EVC: variants seen among roughly 807,000 people sequenced by gnomAD.
EVC encodes evC complex member EVC.
In EVC, 116 loss-of-function variants were observed where a neutral mutation model predicts 118.9. The observed-to-expected ratio is 0.98, with a 90% CI of 0.84 to 1.14. EVC has a LOEUF of 1.14. Ranked by LOEUF, EVC falls within the 50% of genes most tolerant of loss-of-function variation. The probability of loss-of-function intolerance (pLI) is 0.00; values close to 1 mark genes in which losing one functional copy is unlikely to be tolerated. For missense variants in EVC, 1,401 were observed against 1,246.4 expected, an observed-to-expected ratio of 1.12 and a Z score of -1.87; for synonymous variants, 619 against 534.7, an observed-to-expected ratio of 1.16 and a Z score of -2.18.
intron 11 of EVC, among the ~76,000 whole-genome samples, chr4:5,769,496 A>G (rs184817660): frequency 5.3e-5 from 8 of 152,264 alleles, no homozygotes; most frequent in Admixed American, 1.3e-4. Context: ...CTCGGCCTCT[A>G]AACAGTCCAT....
chr4:5,741,345 T>C (rs538098856), intron 5 of EVC, among the ~76,000 whole-genome samples: 1 of 152,336 alleles, frequency 6.6e-6, no homozygotes, highest in Admixed American at 6.5e-5. Flanking sequence ...TCCATACAAC[T>C]ATCCCGCTGA....
rs1712343915 is a variant in EVC, at chr4:5,789,448, C to T, written c.1777-4160C>T. ...CCATGCTGTTTAAAACTGCAATGCC[C>T]CCCTCACCCCCAGCACTCCAGTGTT... On this transcript the variant is annotated intron_variant, in intron 12 of 20. Transcript: ENST00000264956. This position sits in a 1 kb window ranked among gnomAD's most constrained non-coding sequence, Gnocchi z 4.3. Among the ~76,000 whole-genome samples, 9 of 152,266 alleles carry T rather than the reference C, an allele frequency of 5.9e-5. No individual in the cohort carries two copies. The South Asian group carries it at 1.9e-3, about 32-fold the overall frequency.
At position 5,756,666 on chromosome 4, in the gene EVC, C is replaced by T. The variant is rs1252666318; in HGVS notation, c.1563+304C>T. Among the ~76,000 whole-genome samples the T allele has an allele frequency of 6.6e-6, 1 of 152,192 alleles. No homozygotes were observed. The highest frequency in any genetic ancestry group is 1.5e-5 in the Non-Finnish European group (1 of 68,048). On this transcript the variant is annotated intron_variant, in intron 11 of 20. Transcript: ENST00000264956. The surrounding 1 kb of genome is among the most constrained non-coding windows in gnomAD (Gnocchi z 4.2). Reference sequence around the variant, plus strand: ...CCGTTCTCCCCAGGTGAGAAATAGGCCCAGGGTTTCTGGGTGTCATCAGTG... The same window carrying T: ...CCGTTCTCCCCAGGTGAGAAATAGGTCCAGGGTTTCTGGGTGTCATCAGTG...
At chr4:5,740,520 G>A (rs889704384) in intron 5 of EVC, among the ~76,000 whole-genome samples, 2 of 151,322 alleles carry the variant, frequency 1.3e-5, no homozygotes, top group African/African-American at 4.9e-5. Flanking sequence ...AATTCTCCAG[G>A]ATTTAGACCT....
intron 11 of EVC, among the ~76,000 whole-genome samples, chr4:5,764,908 T>A (rs2152141352): frequency 7.2e-6 from 1 of 139,486 alleles, no homozygotes; most frequent in East Asian, 2.1e-4. Context: ...TTCCTTCAGT[T>A]CTGCTCTGAT....
Position 5,745,208 on chromosome 4 carries a change from T to A in EVC, c.806T>A (p.Leu269Ter), listed in dbSNP as rs1255567860. 6.2e-7 allele frequency: 1 copy of A among 1,613,880 alleles called. No homozygotes were observed. Among genetic ancestry groups the A allele is most frequent in the South Asian group, 1.1e-5 (1 of 91,028 alleles). The change falls in exon 7 of 21, where the codon TTG becomes TAG. Residue 269 changes from leucine (L) to a stop codon, truncating the protein, a stop_gained. Transcript: ENST00000264956. LOFTEE classifies it high-confidence loss of function. ...QKILSKQEKD[L>*]EELEKGLQVK... ...TTTTTTCTTCTTCTTCTTCAGGATT[T>A]GGAGGAACTAGAAAAGGGACTTCAG...
chr4:5,779,931 G>T, intron 11 of EVC, among the ~76,000 whole-genome samples: 1 of 150,728 alleles, frequency 6.6e-6, no homozygotes, highest in South Asian at 2.1e-4. Context: ...GTTTTCAAAG[G>T]GAATGCTTCC....
chr4:5,770,966 C>T (rs759313469), intron 11 of EVC, among the ~76,000 whole-genome samples: 4 of 151,478 alleles, frequency 2.6e-5, no homozygotes, highest in Admixed American at 6.6e-5. Flanking sequence ...GAGACGAGAT[C>T]GCACCATTGC....
intron 11 of EVC, among the ~76,000 whole-genome samples, chr4:5,757,055 G>A (rs185792854): frequency 1.2e-4 from 18 of 152,312 alleles, no homozygotes; most frequent in Admixed American, 2.0e-4. Context: ...TCCTCACTGC[G>A]TGACCACAGG....
At chr4:5,739,899 C>CAAAA (rs11343689) in intron 5 of EVC, among the ~76,000 whole-genome samples, 12 of 120,530 alleles carry the variant, frequency 1.0e-4, no homozygotes, top group Non-Finnish European at 1.0e-4. Context: ...AACCCCATCT[C>CAAAA]AAAAAAAAAA....
At position 5,719,392 on chromosome 4, in the gene EVC, T is replaced by C. The variant is rs550822975; in HGVS notation, c.300+19T>C. The C allele has an allele frequency of 6.2e-7, 1 of 1,613,944 alleles. No homozygotes were observed. Among genetic ancestry groups the C allele is most frequent in the East Asian group, 2.2e-5 (1 of 44,864 alleles). On this transcript the variant is annotated intron_variant, in intron 2 of 20. Coordinates refer to ENST00000264956, the MANE Select transcript of EVC (RefSeq NM_153717.3). This position sits in a 1 kb window ranked among gnomAD's most constrained non-coding sequence, Gnocchi z 4.7. ...TGTTGATGTAAGCTTGGTGTTGATG[T>C]TTGTTTGTGGAGGCACATGTGGGAG...
Position 5,731,521 on chromosome 4 carries a change from C to G in EVC, c.481C>G (p.Leu161Val), listed in dbSNP as rs757677978. ...QPVEASPSSS[L>V]GSLSQGEKDD... ...GGTAGAGGCCTCTCCTTCCAGCAGT[C>G]TGGGGAGCCTGAGCCAGGGTGAGAA... Residue 161 changes from leucine (L) to valine (V), a missense_variant, in exon 4 of 21, where the codon CTG (leucine) becomes GTG (valine). Physicochemically the swap from Leu to Val is conservative, Grantham distance 32 (BLOSUM62 1). Transcript: ENST00000264956. This position sits in a 1 kb window ranked among gnomAD's most constrained non-coding sequence, Gnocchi z 5.6. 3.1e-6 allele frequency: 5 copies of G among 1,614,140 alleles called. No homozygotes were observed. Among genetic ancestry groups the G allele is most frequent in the South Asian group, 1.1e-5 (1 of 91,078 alleles).
At chr4:5,748,430 A>T in intron 8 of EVC, 124 bp downstream of exon 8, 3 of 959,972 alleles carry the variant, frequency 3.1e-6, no homozygotes, top group Non-Finnish European at 4.6e-6. Flanking sequence ...GCCTCAGGGA[A>T]AAAAAAACCA....
intron 11 of EVC, among the ~76,000 whole-genome samples, chr4:5,757,841 T>G (rs1226957259): frequency 6.8e-6 from 1 of 147,044 alleles, no homozygotes; most frequent in Non-Finnish European, 1.5e-5. Context: ...GATTACTTAA[T>G]TACCTCCAAA....
In EVC at chr4:5,810,961, G is replaced by A. The variant is rs1453274701; in HGVS notation, c.2903G>A (p.Arg968Lys). 2 of 1,612,370 alleles carry A rather than the reference G, an allele frequency of 1.2e-6. No individual in the cohort carries two copies. Among genetic ancestry groups the A allele is most frequent in the Middle Eastern group, 1.7e-4 (1 of 6,060 alleles). Residue 968 changes from arginine to lysine, a missense_variant, in exon 21 of 21, where the codon AGG becomes AAG. Transcript: ENST00000264956. ...DQTSGSLSSK[R>K]LSQQESEAGD... ...TTCTTCTCTGTTTTAAGCAGCAAAA[G>A]GCTGAGTCAGCAAGAAAGTGAAGCT...
intron 2 of EVC, among the ~76,000 whole-genome samples, chr4:5,728,633 C>A (rs6838782): frequency 0.75 from 113,790 of 152,064 alleles, 42,836 homozygotes; most frequent in Admixed American, 0.81. Context: ...TCGAGGGCAG[C>A]TACTCTGCTG....
intron 11 of EVC, among the ~76,000 whole-genome samples, chr4:5,765,678 G>C (rs1186671957): frequency 8.0e-6 from 1 of 124,816 alleles, no homozygotes; most frequent in Non-Finnish European, 1.7e-5. Flanking sequence ...TGTCTCTTTT[G>C]ATCTTTGTTG....
intron 11 of EVC, among the ~76,000 whole-genome samples, chr4:5,767,437 G>T (rs1390553930): frequency 4.6e-5 from 7 of 150,602 alleles, no homozygotes; most frequent in Non-Finnish European, 1.0e-4. Context: ...CCCAGTTGCA[G>T]CTTCCAGGCT....
rs569637318 is a variant in EVC at position 5,765,903 on chromosome 4, A to G, written c.1563+9541A>G. On this transcript the variant is annotated intron_variant, in intron 11 of 20. Transcript: ENST00000264956. The stretch of plus-strand genomic sequence containing the variant: ...TAATTGGAGCATTTAGTCCATTTAC[A>G]TTTAAAGTTAATATTGTTATGTGTG... 9.0e-5 allele frequency among the ~76,000 whole-genome samples: 13 copies of G among 144,546 alleles called. No individual in the cohort carries two copies. In the South Asian group the frequency reaches 3.0e-3, roughly 34 times the overall value. The allele number at this position is 144,546 out of a possible 152,430, so 94.8% of individuals were successfully genotyped here. A position where few individuals can be genotyped will look rare whatever the true frequency, so the allele number is the denominator to read the frequency against.
Sources: allele counts gnomAD v4.1 joint callset (sites outside exome capture counted in the v4.1 genomes callset), GRCh38; gene constraint gnomAD v4.1.1; non-coding constraint Gnocchi (gnomAD v3.1); transcripts MANE v1.5; gene names NCBI Gene and HGNC (gene_info 2026-07-23, HGNC 2026-07-21).